Variants in PLPP4 observed in about 807,000 individuals in gnomAD.
PLPP4 encodes the protein diacylglycerol pyrophosphate like 2.
Under a neutral mutation model 32.2 loss-of-function variants are expected in PLPP4, and 20 were observed. The ratio of observed to expected loss-of-function variants is 0.62; its 90% confidence interval spans 0.44 to 0.90. The LOEUF (loss-of-function observed/expected upper bound fraction) is 0.90, where lower values mean the gene tolerates loss of function less well. Ranked by LOEUF, PLPP4 falls within the 40% of genes least tolerant of loss-of-function variation. The pLI is 0.00. For missense variants in PLPP4, 257 were observed against 353.1 expected, an observed-to-expected ratio of 0.73 and a Z score of 2.18; for synonymous variants, 127 against 133.0, an observed-to-expected ratio of 0.95 and a Z score of 0.31.
intron 2 of PLPP4, among the ~76,000 whole-genome samples, chr10:120,506,201 CT>C (rs1358770769): frequency 6.6e-6 from 1 of 152,168 alleles, no homozygotes; most frequent in Non-Finnish European, 1.5e-5. Context: ...TAAGTTCAAC[CT>C]TTTATTTCAT....
At chr10:120,571,768 C>A (rs12252354) in intron 5 of PLPP4, among the ~76,000 whole-genome samples, 1 of 152,050 alleles carries the variant, frequency 6.6e-6, no homozygotes, top group African/African-American at 2.4e-5. Flanking sequence ...CTCATTCTTC[C>A]TCAGGTAGTT....
intron 1 of PLPP4, among the ~76,000 whole-genome samples, chr10:120,477,203 G>C (rs1319914166): frequency 7.1e-6 from 1 of 139,864 alleles, no homozygotes; most frequent in African/African-American, 2.6e-5. Flanking sequence ...TTCCTCTCAA[G>C]AATGTGAGCT....
chr10:120,461,376 G>C (rs912859563), intron 1 of PLPP4, among the ~76,000 whole-genome samples: 1 of 152,174 alleles, frequency 6.6e-6, no homozygotes, highest in Non-Finnish European at 1.5e-5. Context: ...AGATGATGAC[G>C]ATCTCATGTG....
intron 5 of PLPP4, among the ~76,000 whole-genome samples, chr10:120,555,914 CTG>C (rs1348216101): frequency 6.6e-6 from 1 of 152,032 alleles, no homozygotes; most frequent in Non-Finnish European, 1.5e-5. Flanking sequence ...GTAACTGGCT[CTG>C]TATACTGAGG....
chr10:120,464,305 G>A (rs1274356873), intron 1 of PLPP4, among the ~76,000 whole-genome samples: 1 of 152,124 alleles, frequency 6.6e-6, no homozygotes, highest in African/African-American at 2.4e-5. Context: ...GTATTAAATG[G>A]GACAGTATCC....
At chr10:120,497,918 T>C (rs7098613) in intron 1 of PLPP4, among the ~76,000 whole-genome samples, 66,307 of 151,678 alleles carry the variant, frequency 0.44, 15,238 homozygotes, top group East Asian at 0.58. Context: ...CCAGCGCCTG[T>C]AGTCTCAGCT....
Position 120,590,447 on chromosome 10 carries a change from A to G in PLPP4, c.*945A>G, listed in dbSNP as rs1015195605. Among the ~76,000 whole-genome samples the G allele has an allele frequency of 6.6e-6, 1 of 152,226 alleles. No homozygotes were observed. The highest frequency in any genetic ancestry group is 1.9e-4 in the East Asian group (1 of 5,202). Reference sequence around the variant, plus strand: ...TCTGAGTTTTGCAGAGCTCTGCTCTAAGGATTCTCCAAGTGGTGGTGTGTT... The same window carrying G: ...TCTGAGTTTTGCAGAGCTCTGCTCTGAGGATTCTCCAAGTGGTGGTGTGTT... On this transcript the variant is annotated 3_prime_UTR_variant, in exon 7 of 7. Coordinates refer to ENST00000398250, the MANE Select transcript of PLPP4 (RefSeq NM_001030059.3).
chr10:120,550,975 A>ATT (rs1356594252), intron 5 of PLPP4, among the ~76,000 whole-genome samples: 1 of 152,100 alleles, frequency 6.6e-6, no homozygotes, highest in Non-Finnish European at 1.5e-5. Context: ...CTGAAAGAAA[A>ATT]TATTTACAGT....
intron 5 of PLPP4, among the ~76,000 whole-genome samples, chr10:120,564,707 A>C (rs773173409): frequency 6.6e-6 from 1 of 151,948 alleles, no homozygotes; most frequent in Non-Finnish European, 1.5e-5. Flanking sequence ...CTACCTGTGT[A>C]AGTCATGATC....
At chr10:120,520,618 T>G (rs1300679571) in intron 4 of PLPP4, among the ~76,000 whole-genome samples, 1 of 152,168 alleles carries the variant, frequency 6.6e-6, no homozygotes, top group Non-Finnish European at 1.5e-5. Flanking sequence ...GGACACTGCT[T>G]AGGTGCCTCC....
intron 2 of PLPP4, among the ~76,000 whole-genome samples, chr10:120,509,376 AT>A (rs531467320): frequency 6.6e-6 from 1 of 151,564 alleles, no homozygotes; most frequent in African/African-American, 2.4e-5. Context: ...CATTCCGCAC[AT>A]TTTTTTTTGT....
chr10:120,580,919 G>T (rs1417540954), intron 6 of PLPP4: 2 of 1,289,206 alleles, frequency 1.6e-6, no homozygotes, highest in South Asian at 2.5e-5. Context: ...GTATGGCAGG[G>T]CCCACAGTCA....
At chr10:120,587,544 A>G (rs143607113) in intron 6 of PLPP4, 52 of 152,344 alleles carry the variant, frequency 3.4e-4, no homozygotes, top group African/African-American at 1.2e-3. Context: ...AGAACTTTTC[A>G]TGTTTAACTA....
intron 5 of PLPP4, among the ~76,000 whole-genome samples, chr10:120,570,855 C>A (rs987885184): frequency 2.0e-5 from 3 of 152,234 alleles, no homozygotes; most frequent in Non-Finnish European, 4.4e-5. Context: ...GCCTATCTAC[C>A]CTCATTCGTA....
At chr10:120,505,144 A>T (rs1251031632) in intron 2 of PLPP4, among the ~76,000 whole-genome samples, 2 of 152,238 alleles carry the variant, frequency 1.3e-5, no homozygotes, top group Non-Finnish European at 2.9e-5. Flanking sequence ...CATTTCACAG[A>T]TGCAAAACTG....
intron 5 of PLPP4, among the ~76,000 whole-genome samples, chr10:120,564,576 T>A (rs1329725484): frequency 6.6e-6 from 1 of 151,954 alleles, no homozygotes; most frequent in African/African-American, 2.4e-5. Context: ...ATTAAAATTT[T>A]CCACTATTAT....
intron 1 of PLPP4, among the ~76,000 whole-genome samples, chr10:120,471,314 AT>A (rs1264047888): frequency 6.6e-6 from 1 of 151,070 alleles, no homozygotes; most frequent in African/African-American, 2.4e-5. Context: ...GTGGTGCTTT[AT>A]TTTTATGTTT....
rs1453724960 is a variant in PLPP4 at position 120,528,082 on chromosome 10, T to TG, written c.445+6987_445+6988insG. ...ATACCACTCTCCGTTTTTTTTTTTT[T>TG]TTTTTTTTTTGAGGCGGAGTCTCAC... On this transcript the variant is annotated intron_variant, in intron 5 of 6. Transcript: ENST00000398250. Among the ~76,000 whole-genome samples, 46 of 143,156 alleles carry TG rather than the reference T, an allele frequency of 3.2e-4. 1 individual carries two copies. Among genetic ancestry groups the TG allele is most frequent in the Middle Eastern group, 3.5e-3 (1 of 284 alleles). 93.9% of individuals were successfully genotyped at this position (143,156 alleles called of 152,430 possible).
chr10:120,544,944 A>G (rs1847542343), intron 5 of PLPP4, among the ~76,000 whole-genome samples: 2 of 152,176 alleles, frequency 1.3e-5, no homozygotes, highest in South Asian at 4.1e-4. Flanking sequence ...AGAAGAAGAG[A>G]AGGGTCATTG....
Sources: gnomAD v4.1 joint callset for allele counts (sites outside exome capture counted in the v4.1 genomes callset) on GRCh38, gnomAD v4.1.1 for gene constraint, MANE v1.5 for transcripts, NCBI Gene and HGNC (gene_info 2026-07-23, HGNC 2026-07-21) for gene names.